Variants in TEX29 observed in about 807,000 individuals in gnomAD.
TEX29 encodes testis-expressed protein 29.
In TEX29, 26 loss-of-function variants were observed where a neutral mutation model predicts 18.2. The observed-to-expected ratio is 1.43, with a 90% CI of 1.04 to 1.98. The LOEUF (loss-of-function observed/expected upper bound fraction) is 1.98, where lower values mean the gene tolerates loss of function less well. Ranked by LOEUF, TEX29 falls within the 30% of genes most tolerant of loss-of-function variation. TEX29 has a pLI of 0.00. For synonymous variants in TEX29, 83 were observed against 78.5 expected (o/e 1.06, Z -0.31); for missense variants, 177 against 194.2 (o/e 0.91, Z 0.53).
chr13:111,318,545 G>A (rs996720082), upstream of TEX29, among the ~76,000 whole-genome samples: 4 of 152,264 alleles, frequency 2.6e-5, no homozygotes, highest in African/African-American at 9.6e-5. Flanking sequence ...AGTCCCTGCC[G>A]CCCCCAGCCA....
upstream of TEX29, chr13:111,316,389 C>T (rs1595679625): frequency 2.3e-6 from 1 of 427,352 alleles, no homozygotes; most frequent in Non-Finnish European, 4.8e-6. Context: ...GCTGTCTGCC[C>T]TGAGGCTGTC....
chr13:111,320,084 C>G (rs934883843), upstream of TEX29, among the ~76,000 whole-genome samples: 2 of 152,226 alleles, frequency 1.3e-5, no homozygotes, highest in Non-Finnish European at 2.9e-5. Context: ...CAGCCTCCCC[C>G]CAGGACCTCT....
chr13:111,324,852 CT>C (rs1459687409), intron 2 of TEX29, among the ~76,000 whole-genome samples: 1 of 152,216 alleles, frequency 6.6e-6, no homozygotes, highest in Admixed American at 6.5e-5. Context: ...AGTGAAGAGA[CT>C]TTCCATGGCC....
At chr13:111,317,690 G>C (rs1264421861), upstream of TEX29, among the ~76,000 whole-genome samples, 2 of 152,242 alleles carry the variant, frequency 1.3e-5, no homozygotes, top group Non-Finnish European at 2.9e-5. Context: ...GCCAACAGCA[G>C]AGCTTTCTTC....
At chr13:111,320,983 T>TGGGGGGGGGGGGGGGGG in intron 2 of TEX29, 35 bp downstream of exon 2, 2 of 193,516 alleles carry the variant, frequency 1.0e-5, no homozygotes, top group Non-Finnish European at 1.8e-5. Context: ...GCGGGTGGGG[T>TGGGGGGGGGGGGGGGGG]GGGGGAGCAG....
upstream of TEX29, among the ~76,000 whole-genome samples, chr13:111,317,115 A>G (rs1404089231): frequency 6.6e-6 from 1 of 151,974 alleles, no homozygotes; most frequent in Admixed American, 6.6e-5. Flanking sequence ...ACTTATTTAG[A>G]TGCAATATTT....
chr13:111,343,794 C>A (rs1009945619), intron 5 of TEX29, among the ~76,000 whole-genome samples: 4 of 152,138 alleles, frequency 2.6e-5, no homozygotes, highest in Non-Finnish European at 5.9e-5. Flanking sequence ...GAATGCCTGG[C>A]CCCTAACTGA....
intron 3 of TEX29, among the ~76,000 whole-genome samples, chr13:111,333,035 C>A (rs2093684823): frequency 6.6e-6 from 1 of 152,226 alleles, no homozygotes; most frequent in Non-Finnish European, 1.5e-5. Flanking sequence ...GTCTTCCTGA[C>A]AGCCCTTTGA....
intron 3 of TEX29, among the ~76,000 whole-genome samples, chr13:111,333,180 G>T (rs558262582): frequency 3.3e-5 from 5 of 152,308 alleles, no homozygotes; most frequent in Admixed American, 3.3e-4. Context: ...TTTGCAGTTT[G>T]CCAGGTGTCT....
upstream of TEX29, among the ~76,000 whole-genome samples, chr13:111,317,808 G>C (rs933978126): frequency 6.6e-6 from 1 of 152,142 alleles, no homozygotes; most frequent in Non-Finnish European, 1.5e-5. Flanking sequence ...TCCGTGTTCC[G>C]GGGCTCGCAG....
At chr13:111,342,619 G>A in intron 4 of TEX29, 137 bp from the exon 5 acceptor site, 1 of 642,194 alleles carries the variant, frequency 1.6e-6, no homozygotes, top group Non-Finnish European at 2.5e-6. Flanking sequence ...TTACATCAAA[G>A]CATTTACCTT....
chr13:111,316,338 C>G, upstream of TEX29: 1 of 452,406 alleles, frequency 2.2e-6, no homozygotes, highest in Non-Finnish European at 4.5e-6. Flanking sequence ...GCACACGCCT[C>G]CCGCCACCCA....
Position 111,344,185 on chromosome 13 carries a change from C to T in TEX29, c.*62C>T. 1 of 1,405,102 alleles carries T rather than the reference C, an allele frequency of 7.1e-7. No homozygotes were observed. Among genetic ancestry groups the T allele is most frequent in the Non-Finnish European group, 1.0e-6 (1 of 994,928 alleles). The allele number at this position is 1,405,102 out of a possible 1,614,324, so 87.0% of individuals were successfully genotyped here. On this transcript the variant is annotated 3_prime_UTR_variant, in exon 6 of 6. Transcript: ENST00000283547. The stretch of plus-strand genomic sequence containing the variant: ...TCCAAATGAAATGGTACAGCAGGTG[C>T]ACTGTTAACAGTGTGATGGAATGAC...
chr13:111,317,845 T>TG (rs1232670883), upstream of TEX29, among the ~76,000 whole-genome samples: 1 of 152,190 alleles, frequency 6.6e-6, no homozygotes, highest in African/African-American at 2.4e-5. Flanking sequence ...TCACCTCTGT[T>TG]GCTGCACAGC....
intron 2 of TEX29, among the ~76,000 whole-genome samples, chr13:111,321,283 G>A (rs2093664127): frequency 6.6e-6 from 1 of 152,200 alleles, no homozygotes; most frequent in Non-Finnish European, 1.5e-5. Context: ...TTTATTGCAG[G>A]AGTGACTTTT....
intron 3 of TEX29, among the ~76,000 whole-genome samples, chr13:111,333,710 C>T (rs189120593): frequency 6.6e-6 from 1 of 152,202 alleles, no homozygotes; most frequent in Non-Finnish European, 1.5e-5. Flanking sequence ...AGGGAGGCCT[C>T]AGGAAACTTA....
rs1264638132 is a variant in TEX29 at position 111,340,042 on chromosome 13, C to T, written c.239+110C>T. 4 of 963,070 alleles carry T rather than the reference C, an allele frequency of 4.2e-6. No individual in the cohort carries two copies. In the African/African-American group the frequency reaches 4.9e-5, roughly 12 times the overall value. 59.7% of individuals were successfully genotyped at this position (963,070 alleles called of 1,614,324 possible). On this transcript the variant is annotated intron_variant, in intron 4 of 5. Coordinates refer to ENST00000283547, the MANE Select transcript of TEX29 (RefSeq NM_152324.3). The stretch of plus-strand genomic sequence containing the variant: ...TTCGGGCTTGGTGCTGCTGGGGTGA[C>T]TGAGAACAGCTCTCCGTGAGCCTGG...
At position 111,326,945 on chromosome 13, in the gene TEX29, C is replaced by T. The variant is rs150798973; in HGVS notation, c.59-1238C>T. On this transcript the variant is annotated intron_variant, in intron 2 of 5. Transcript: ENST00000283547. ...CCCACTGTAGACACATGGGCTGCTG[C>T]ATAGAACGTGGGGGACCATCTGGCC... Among the ~76,000 whole-genome samples the T allele has an allele frequency of 7.2e-5, 11 of 152,258 alleles. No individual in the cohort carries two copies. In the East Asian group the frequency reaches 1.9e-3, roughly 27 times the overall value.
intron 5 of TEX29, 100 bp downstream of exon 5, chr13:111,343,031 C>A (rs1431066557): frequency 2.2e-6 from 3 of 1,366,468 alleles, no homozygotes; most frequent in Non-Finnish European, 2.0e-6. Context: ...CTACACAGGC[C>A]CTTCAACCTC....
Sources: gnomAD v4.1 joint callset for allele counts (sites outside exome capture counted in the v4.1 genomes callset) on GRCh38, gnomAD v4.1.1 for gene constraint, MANE v1.5 for transcripts, NCBI Gene and HGNC (gene_info 2026-07-23, HGNC 2026-07-21) for gene names.